ZBTB6: variants seen among roughly 807,000 people sequenced by gnomAD.
ZBTB6 encodes zinc finger and BTB domain containing 6.
In ZBTB6, 11 loss-of-function variants were observed where a neutral mutation model predicts 30.6. The ratio of observed to expected loss-of-function variants is 0.36; its 90% CI spans 0.23 to 0.60. The LOEUF is 0.60. ZBTB6 is among the 20% of genes least tolerant of loss of function. The pLI, the probability that ZBTB6 is intolerant of heterozygous loss-of-function variation, is 0.75. For synonymous variants in ZBTB6, 174 were observed against 172.0 expected, an observed-to-expected ratio of 1.01 and a Z score of -0.09; for missense variants, 380 against 489.4, an observed-to-expected ratio of 0.78 and a Z score of 2.11.
rs1832944564 is a variant in ZBTB6 at position 122,910,705 on chromosome 9, T to A, written c.*93A>T. The A allele has an allele frequency of 8.2e-7, 1 of 1,224,372 alleles. No homozygotes were observed. Among genetic ancestry groups the A allele is most frequent in the Non-Finnish European group, 1.1e-6 (1 of 893,100 alleles). The allele number at this position is 1,224,372 out of a possible 1,614,324, so 75.8% of individuals were successfully genotyped here. On this transcript the variant is annotated 3_prime_UTR_variant, in exon 2 of 2. Coordinates refer to ENST00000373659, the MANE Select transcript of ZBTB6 (RefSeq NM_006626.6). The stretch of plus-strand genomic sequence containing the variant: ...CCGACAAAATATAAGAAACAAAGAT[T>A]GGGGGGATGAAATATTACAAATGCT...
At chr9:122,913,159 G>A in intron 1 of ZBTB6, 92 bp downstream of exon 1, 1 of 747,394 alleles carries the variant, frequency 1.3e-6, no homozygotes, top group Non-Finnish European at 1.6e-6. Flanking sequence ...CACAAGATTA[G>A]CCACTCCGGG....
In ZBTB6 at chr9:122,911,059, C is replaced by T. The variant is rs962091591; in HGVS notation, c.1014G>A (p.Lys338=). 37 of 1,614,050 alleles carry T rather than the reference C, an allele frequency of 2.3e-5. No individual in the cohort carries two copies. Among genetic ancestry groups the T allele is most frequent in the Non-Finnish European group, 3.1e-5 (37 of 1,180,038 alleles). ...CTCGGATGTGTCGGTTGAGATTTTT[C>T]TTCTGTGTAAATGTTTTTCCGCACT... is the stretch of plus-strand genomic sequence containing the variant. ...CLQCGKTFTQ[K]KNLNRHIRGH... Residue 338 remains lysine, a synonymous_variant, in exon 2 of 2, where the codon AAG becomes AAA. Transcript: ENST00000373659. This position sits in a 1 kb window ranked among gnomAD's most constrained non-coding sequence, Gnocchi z 4.5.
At chr9:122,913,011 C>G (rs1832969140) in intron 1 of ZBTB6, among the ~76,000 whole-genome samples, 1 of 152,210 alleles carries the variant, frequency 6.6e-6, no homozygotes, top group Non-Finnish European at 1.5e-5. Context: ...GTTCCTGCAC[C>G]GAGCTCAGGG....
chr9:122,912,092 T>C lies in ZBTB6; in HGVS notation c.-9-11A>G, dbSNP rs776058492. 6.9e-6 allele frequency: 11 copies of C among 1,591,508 alleles called. No individual in the cohort carries two copies. The Admixed American group carries it at 1.7e-4, about 25-fold the overall frequency. The stretch of plus-strand genomic sequence containing the variant: ...AGCCATGATCACAATCTAAGCAAAA[T>C]AAAACACAAACATTGATGTAATAAG... On this transcript the variant is annotated splice_polypyrimidine_tract_variant and intron_variant, in intron 1 of 1. Transcript: ENST00000373659.
In ZBTB6 at chr9:122,912,036, C is replaced by T; in HGVS notation, c.37G>A (p.Glu13Lys). 1 of 1,613,534 alleles carries T rather than the reference C, an allele frequency of 6.2e-7. No individual in the cohort carries two copies. The highest frequency in any genetic ancestry group is 8.5e-7 in the Non-Finnish European group (1 of 1,179,690). ...AESDVLHFQF[E>K]QQGDVVLQKM... ...TGCAAGACCACATCTCCTTGCTGTT[C>T]AAACTGGAAATGCAGAACATCAGAC... Residue 13 changes from glutamate to lysine, a missense_variant, in exon 2 of 2, where the codon GAA becomes AAA. Transcript: ENST00000373659.
chr9:122,910,918 G>C lies in ZBTB6; in HGVS notation c.1155C>G (p.His385Gln). Residue 385 changes from histidine (H) to glutamine (Q), a missense_variant, in exon 2 of 2, where the codon CAC (histidine) becomes CAG (glutamine). Coordinates refer to ENST00000373659, the MANE Select transcript of ZBTB6 (RefSeq NM_006626.6). ...IHSGDRPYKC[H>Q]CCDMDFKHKS... The stretch of plus-strand genomic sequence containing the variant: ...TGTGCTTGAAATCCATATCACAACA[G>C]TGGCATTTGTATGGCCGATCCCCAC... The C allele has an allele frequency of 6.2e-7, 1 of 1,614,150 alleles. No individual in the cohort carries two copies.
Position 122,913,262 on chromosome 9 carries a change from A to C in ZBTB6, c.-21T>G. The C allele has an allele frequency of 1.0e-6, 1 of 986,054 alleles. No individual in the cohort carries two copies. The highest frequency in any genetic ancestry group is 4.7e-5 in the South Asian group (1 of 21,290). The allele number at this position is 986,054 out of a possible 1,614,324, so 61.1% of individuals were successfully genotyped here. Reference sequence around the variant, plus strand: ...TTGCACTCACTCACCGACTCAGAAAACTAGAGTCAAGGATTCCGCGGCAGC... The same window carrying C: ...TTGCACTCACTCACCGACTCAGAAACCTAGAGTCAAGGATTCCGCGGCAGC... On this transcript the variant is annotated 5_prime_UTR_variant, in exon 1 of 2. Coordinates refer to ENST00000373659, the MANE Select transcript of ZBTB6 (RefSeq NM_006626.6).
In ZBTB6 at chr9:122,911,508, T is replaced by C. The variant is rs779254297; in HGVS notation, c.565A>G (p.Thr189Ala). The change falls in exon 2 of 2, where the codon ACA (threonine) becomes GCA (alanine). Residue 189 changes from threonine (T) to alanine (A), a missense_variant. By Grantham distance (58) the Thr-to-Ala change is moderately conservative. Transcript: ENST00000373659. The surrounding 1 kb of genome is among the most constrained non-coding windows in gnomAD (Gnocchi z 4.5). ...KEEESNALQS[T>A]VESLTSERKE... ...CTCTCTGATGTCAGACTCTCTACTG[T>C]AGACTGCAAAGCATTGCTTTCCTCT... 4.3e-6 allele frequency: 7 copies of C among 1,614,160 alleles called. No individual in the cohort carries two copies. The highest frequency in any genetic ancestry group is 1.7e-5 in the Admixed American group (1 of 60,026).
chr9:122,912,018 C>A lies in ZBTB6; in HGVS notation c.55G>T (p.Val19Phe). 6.2e-7 allele frequency: 1 copy of A among 1,614,100 alleles called. No individual in the cohort carries two copies. The highest frequency in any genetic ancestry group is 8.5e-7 in the Non-Finnish European group (1 of 1,180,010). The stretch of plus-strand genomic sequence containing the variant: ...CTCAAAAGATTCATTTTCTGCAAGA[C>A]CACATCTCCTTGCTGTTCAAACTGG... ...HFQFEQQGDV[V>F]LQKMNLLRQQ... The change falls in exon 2 of 2, where the codon GTC becomes TTC. Residue 19 changes from valine to phenylalanine, a missense_variant. By Grantham distance (50) the Val-to-Phe change is conservative (BLOSUM62 -1). Transcript: ENST00000373659.
Position 122,910,704 on chromosome 9 carries a change from T to C in ZBTB6, c.*94A>G, listed in dbSNP as rs370649815. 1.7e-4 allele frequency: 209 copies of C among 1,217,348 alleles called. No homozygotes were observed. The highest frequency in any genetic ancestry group is 4.6e-4 in the African/African-American group (30 of 65,226). The allele number at this position is 1,217,348 out of a possible 1,614,324, so 75.4% of individuals were successfully genotyped here. On this transcript the variant is annotated 3_prime_UTR_variant, in exon 2 of 2. Transcript: ENST00000373659. ...GCCGACAAAATATAAGAAACAAAGATTGGGGGGATGAAATATTACAAATGC... is the reference window on the plus strand; with the variant it reads ...GCCGACAAAATATAAGAAACAAAGACTGGGGGGATGAAATATTACAAATGC...
Position 122,913,231 on chromosome 9 carries a change from T to G in ZBTB6, c.-10+20A>C. On this transcript the variant is annotated intron_variant, in intron 1 of 1. Coordinates refer to ENST00000373659, the MANE Select transcript of ZBTB6 (RefSeq NM_006626.6). ...CCTCAGGCACCCTCCACCTGAGGAA[T>G]CTACTTTGCACTCACTCACCGACTC... is the stretch of plus-strand genomic sequence containing the variant. 1 of 986,364 alleles carries G rather than the reference T, an allele frequency of 1.0e-6. No homozygotes were observed. The highest frequency in any genetic ancestry group is 4.7e-5 in the South Asian group (1 of 21,292). The allele number at this position is 986,364 out of a possible 1,614,324, so 61.1% of individuals were successfully genotyped here.
intron 1 of ZBTB6, 37 bp downstream of exon 1, chr9:122,913,214 A>T: frequency 2.1e-6 from 2 of 969,302 alleles, no homozygotes; most frequent in Non-Finnish European, 2.5e-6. Context: ...TTCCTCAGGC[A>T]CCCTCCACCT....
chr9:122,911,503 T>C lies in ZBTB6; in HGVS notation c.570A>G (p.Val190=). ...CCTTTCTCTCTGATGTCAGACTCTC[T>C]ACTGTAGACTGCAAAGCATTGCTTT... ...EEESNALQST[V]ESLTSERKEM... Residue 190 remains valine, a synonymous_variant, in exon 2 of 2, where the codon GTA becomes GTG. Transcript: ENST00000373659. This position sits in a 1 kb window ranked among gnomAD's most constrained non-coding sequence, Gnocchi z 4.5. 1.9e-6 allele frequency: 3 copies of C among 1,614,142 alleles called. No homozygotes were observed. The highest frequency in any genetic ancestry group is 2.5e-6 in the Non-Finnish European group (3 of 1,180,014).
In ZBTB6 at chr9:122,909,401, A is replaced by C. The variant is rs1832932452; in HGVS notation, c.*1397T>G. 1 of 152,214 alleles carries C rather than the reference A, an allele frequency of 6.6e-6. No individual in the cohort carries two copies. 9.4% of individuals were successfully genotyped at this position (152,214 alleles called of 1,614,324 possible). A position where few individuals can be genotyped will look rare whatever the true frequency, so the allele number is the denominator to read the frequency against. On this transcript the variant is annotated 3_prime_UTR_variant, in exon 2 of 2. Transcript: ENST00000373659. ...ATTATTTGCCCTGCAGTATATTTTA[A>C]TCTTTGTTAAAATAATTTATAAAAG...
At chr9:122,912,136 A>T (rs1270002470) in intron 1 of ZBTB6, 55 bp from the exon 2 acceptor site, 2 of 1,513,904 alleles carry the variant, frequency 1.3e-6, no homozygotes, top group African/African-American at 1.4e-5. Flanking sequence ...ATGCTTTCCC[A>T]TGCTGTAATG....
At position 122,909,396 on chromosome 9, in the gene ZBTB6, T is replaced by C. The variant is rs1832932428; in HGVS notation, c.*1402A>G. 1 of 152,218 alleles carries C rather than the reference T, an allele frequency of 6.6e-6. No individual in the cohort carries two copies. The highest frequency in any genetic ancestry group is 1.5e-5 in the Non-Finnish European group (1 of 68,030). 9.4% of individuals were successfully genotyped at this position (152,218 alleles called of 1,614,324 possible). A position where few individuals can be genotyped will look rare whatever the true frequency, so the allele number is the denominator to read the frequency against. ...AGAATATTATTTGCCCTGCAGTATA[T>C]TTTAATCTTTGTTAAAATAATTTAT... On this transcript the variant is annotated 3_prime_UTR_variant, in exon 2 of 2. Coordinates refer to ENST00000373659, the MANE Select transcript of ZBTB6 (RefSeq NM_006626.6).
At chr9:122,913,047 G>A (rs1832969491) in intron 1 of ZBTB6, among the ~76,000 whole-genome samples, 1 of 152,246 alleles carries the variant, frequency 6.6e-6, no homozygotes, top group Non-Finnish European at 1.5e-5. Flanking sequence ...GAGGAGCTCA[G>A]GGAACATCTG....
rs1397593298 is a variant in ZBTB6, at chr9:122,909,492, T to A, written c.*1306A>T. On this transcript the variant is annotated 3_prime_UTR_variant, in exon 2 of 2. Coordinates refer to ENST00000373659, the MANE Select transcript of ZBTB6 (RefSeq NM_006626.6). The stretch of plus-strand genomic sequence containing the variant: ...CTCAGAACACCATCTCAAATATGAC[T>A]CTCGCTAAAATAATCATACAGTCAT... 6.6e-6 allele frequency: 1 copy of A among 152,214 alleles called. No homozygotes were observed. The highest frequency in any genetic ancestry group is 1.5e-5 in the Non-Finnish European group (1 of 68,022). The allele number at this position is 152,214 out of a possible 1,614,324, so 9.4% of individuals were successfully genotyped here.
Position 122,911,286 on chromosome 9 carries a change from T to G in ZBTB6, c.787A>C (p.Arg263=). The G allele has an allele frequency of 1.9e-6, 3 of 1,614,192 alleles. No homozygotes were observed. The highest frequency in any genetic ancestry group is 2.5e-6 in the Non-Finnish European group (3 of 1,180,026). The stretch of plus-strand genomic sequence containing the variant: ...TGATTCCCAGGAACTTCAGCCACTC[T>G]GCTCTCAACTGTAGAATTGATCAAT... The part of the protein sequence containing the change: ...HSLINSTVES[R]VAEVPGNQDQ... Residue 263 remains arginine (R), a synonymous_variant, in exon 2 of 2, where the codon AGA becomes CGA. Transcript: ENST00000373659. This position sits in a 1 kb window ranked among gnomAD's most constrained non-coding sequence, Gnocchi z 4.5.
Sources: gnomAD v4.1 joint callset for allele counts (sites outside exome capture counted in the v4.1 genomes callset) on GRCh38, gnomAD v4.1.1 for gene constraint, Gnocchi (gnomAD v3.1) non-coding constraint, MANE v1.5 for transcripts, NCBI Gene and HGNC (gene_info 2026-07-23, HGNC 2026-07-21) for gene names.